The following BABAM2 variants were observed in gnomAD, a reference collection of about 807,000 sequenced individuals.
The protein encoded by BABAM2 is BRISC and BRCA1-A complex member 2.
Under a neutral mutation model 54.7 loss-of-function variants are expected in BABAM2, and 31 were observed. The ratio of observed to expected loss-of-function variants is 0.57; its 90% CI spans 0.43 to 0.77. The LOEUF is 0.77. Among genes scored for constraint, BABAM2 ranks in the 30% least tolerant of loss-of-function variants. BABAM2 has a pLI of 0.00. For missense variants in BABAM2, 364 were observed against 455.8 expected (o/e 0.80, Z 1.83); for synonymous variants, 167 against 162.9 (o/e 1.03, Z -0.19).
rs1669898542 is a variant in BABAM2, at chr2:28,130,145, G to A, written c.680+765G>A. Among the ~76,000 whole-genome samples the A allele has an allele frequency of 2.6e-5, 4 of 152,290 alleles. No individual in the cohort carries two copies. The South Asian group carries it at 8.3e-4, about 32-fold the overall frequency. On this transcript the variant is annotated intron_variant, in intron 7 of 11. Coordinates refer to ENST00000379624, the MANE Select transcript of BABAM2 (RefSeq NM_199191.3). ...AGCAGAGAGAGTTTTTACAGACTCTGATTGAAATGTATTATTAAAATTCTC... is the reference window on the plus strand; with the variant it reads ...AGCAGAGAGAGTTTTTACAGACTCTAATTGAAATGTATTATTAAAATTCTC...
At chr2:27,933,609 C>T (rs1245517563) in intron 3 of BABAM2, among the ~76,000 whole-genome samples, 1 of 151,924 alleles carries the variant, frequency 6.6e-6, no homozygotes, top group Non-Finnish European at 1.5e-5. Context: ...GTTGGAACTA[C>T]AGGTGCCCAC....
chr2:28,257,339 C>G (rs1308865726), intron 10 of BABAM2, among the ~76,000 whole-genome samples: 2 of 152,264 alleles, frequency 1.3e-5, no homozygotes, highest in African/African-American at 4.8e-5. Flanking sequence ...TCCTTGTAAG[C>G]CTTTGCAGTT....
intron 4 of BABAM2, among the ~76,000 whole-genome samples, chr2:28,002,320 A>C (rs1673634817): frequency 6.6e-6 from 1 of 152,168 alleles, no homozygotes; most frequent in Non-Finnish European, 1.5e-5. Flanking sequence ...GACTTTCCTC[A>C]TATAGGTCAT....
At chr2:28,043,038 A>G (rs1677246470) in intron 5 of BABAM2, among the ~76,000 whole-genome samples, 1 of 152,056 alleles carries the variant, frequency 6.6e-6, no homozygotes, top group South Asian at 2.1e-4. Flanking sequence ...AAATAAAAAA[A>G]ATGATGTTTA....
chr2:28,208,865 C>T (rs1416974207), intron 7 of BABAM2, among the ~76,000 whole-genome samples: 2 of 152,150 alleles, frequency 1.3e-5, no homozygotes, highest in African/African-American at 4.8e-5. Flanking sequence ...CTAAATGCCC[C>T]AGTCCCTGGT....
At chr2:28,218,205 G>A (rs1283981272) in intron 7 of BABAM2, among the ~76,000 whole-genome samples, 1 of 152,134 alleles carries the variant, frequency 6.6e-6, no homozygotes, top group Non-Finnish European at 1.5e-5. Context: ...GTTTCAGAAT[G>A]TATTTCCTAA....
chr2:27,968,227 A>G (rs555640715), intron 3 of BABAM2, among the ~76,000 whole-genome samples: 1 of 152,306 alleles, frequency 6.6e-6, no homozygotes, highest in South Asian at 2.1e-4. Context: ...TGTGCAGCCT[A>G]GGGACTTGGT....
intron 6 of BABAM2, among the ~76,000 whole-genome samples, chr2:28,077,854 GATTAT>G (rs1247440437): frequency 2.6e-5 from 4 of 152,074 alleles, no homozygotes; most frequent in Non-Finnish European, 5.9e-5. Flanking sequence ...TAAAATTCAT[GATTAT>G]ATCAAGAAAA....
At chr2:28,027,008 A>G (rs765267338) in intron 5 of BABAM2, among the ~76,000 whole-genome samples, 158 of 126,076 alleles carry the variant, frequency 1.3e-3, no homozygotes, top group Non-Finnish European at 1.5e-3. Flanking sequence ...AAATATATAT[A>G]TAAAAGAAAC....
intron 1 of BABAM2, among the ~76,000 whole-genome samples, chr2:27,893,365 C>T (rs1247636729): frequency 6.6e-6 from 1 of 152,146 alleles, no homozygotes; most frequent in Non-Finnish European, 1.5e-5. Context: ...ACCTTAAGAT[C>T]CATGTTAGTC....
In BABAM2 at chr2:28,315,153, G is replaced by A. The variant is rs545629554; in HGVS notation, c.1088+16662G>A. Among the ~76,000 whole-genome samples the A allele has an allele frequency of 4.6e-5, 7 of 151,966 alleles. No individual in the cohort carries two copies. In the East Asian group the frequency reaches 9.7e-4, roughly 21 times the overall value. On this transcript the variant is annotated intron_variant, in intron 11 of 11. Coordinates refer to ENST00000379624, the MANE Select transcript of BABAM2 (RefSeq NM_199191.3). ...GAGAGAAGGAGAGGGGAGGAGATAT[G>A]CAGGGTACAGAGAACATGCCCTCTG...
intron 3 of BABAM2, among the ~76,000 whole-genome samples, chr2:27,961,805 G>A (rs577758752): frequency 5.7e-5 from 8 of 141,462 alleles, no homozygotes; most frequent in Admixed American, 3.8e-4. Context: ...ATAGCTCACC[G>A]TAACCTTGAC....
intron 9 of BABAM2, among the ~76,000 whole-genome samples, chr2:28,243,308 C>T (rs56018141): frequency 0.081 from 12,356 of 151,866 alleles, 639 homozygotes; most frequent in African/African-American, 0.14. Context: ...CCGAGGCGGG[C>T]GGATCATGAG....
chr2:27,896,603 T>G (rs1665343632), intron 2 of BABAM2: 1 of 153,436 alleles, frequency 6.5e-6, no homozygotes, highest in Non-Finnish European at 1.5e-5. Flanking sequence ...TGGGATTAAG[T>G]TGAGCCAGCA....
intron 3 of BABAM2, among the ~76,000 whole-genome samples, chr2:27,981,517 G>A (rs1672000078): frequency 6.6e-6 from 1 of 152,008 alleles, no homozygotes; most frequent in Non-Finnish European, 1.5e-5. Context: ...CCATTCTCCT[G>A]TTCCCCATTG....
chr2:28,131,070 A>ATTTTTTT lies in BABAM2; in HGVS notation c.680+1692_680+1693insTTTTTTT, dbSNP rs757511616. Among the ~76,000 whole-genome samples the ATTTTTTT allele has an allele frequency of 3.9e-3, 27 of 6,948 alleles. 4 individuals are homozygous for ATTTTTTT. Among genetic ancestry groups the ATTTTTTT allele is most frequent in the Admixed American group, 0.012 (6 of 502 alleles). 4.6% of individuals were successfully genotyped at this position (6,948 alleles called of 152,430 possible). On this transcript the variant is annotated intron_variant, in intron 7 of 11. Transcript: ENST00000379624. ...AGAGTGTTTTATTATTATTATTATT[A>ATTTTTTT]TTATTATTATTTTTTTTTTTTTTTT...
At chr2:28,280,540 AATAC>A (rs1368483341) in intron 10 of BABAM2, among the ~76,000 whole-genome samples, 5 of 152,178 alleles carry the variant, frequency 3.3e-5, no homozygotes, top group African/African-American at 1.2e-4. Flanking sequence ...CTTTAAACCA[AATAC>A]ATACACACAT....
chr2:28,227,966 G>A (rs1681041413), intron 7 of BABAM2, among the ~76,000 whole-genome samples: 2 of 152,080 alleles, frequency 1.3e-5, no homozygotes, highest in Admixed American at 1.3e-4. Flanking sequence ...TCCAGGTACA[G>A]AGAAAGATTA....
chr2:27,997,651 A>G (rs1238727926), intron 4 of BABAM2, among the ~76,000 whole-genome samples: 1 of 152,154 alleles, frequency 6.6e-6, no homozygotes, highest in Non-Finnish European at 1.5e-5. Context: ...AGAAAAACAG[A>G]GCACCTTGAA....
Sources: gnomAD v4.1 joint callset for allele counts (sites outside exome capture counted in the v4.1 genomes callset) on GRCh38, gnomAD v4.1.1 for gene constraint, MANE v1.5 for transcripts, NCBI Gene and HGNC (gene_info 2026-07-23, HGNC 2026-07-21) for gene names.